Variants in TJP1 observed in about 807,000 individuals in gnomAD.
The protein encoded by TJP1 is tight junction protein ZO-1.
Under a neutral mutation model 194.2 loss-of-function variants are expected in TJP1, and 43 were observed. The observed-to-expected ratio is 0.22, with a 90% CI of 0.17 to 0.29. TJP1 has a LOEUF of 0.29. TJP1 is among the 10% of genes least tolerant of loss of function. TJP1 has a pLI of 1.00. For synonymous variants in TJP1, 801 were observed against 779.0 expected (o/e 1.03, Z -0.47); for missense variants, 1,971 against 2,185.7 (o/e 0.90, Z 1.96).
chr15:29,710,922 A>G lies in TJP1; in HGVS notation c.4281T>C (p.Pro1427=), dbSNP rs756444359. 1 of 1,614,122 alleles carries G rather than the reference A, an allele frequency of 6.2e-7. No individual in the cohort carries two copies. The highest frequency in any genetic ancestry group is 8.5e-7 in the Non-Finnish European group (1 of 1,180,030). The change falls in exon 24 of 28, where the codon CCT becomes CCC. Residue 1427 remains proline, a synonymous_variant. Coordinates refer to ENST00000614355, the MANE Select transcript of TJP1 (RefSeq NM_001330239.4). ...KRYEPIQATP[P]PPPLPSQYAQ... is the part of the protein sequence containing the mutation. ...CATACTGCGAGGGCAATGGAGGAGG[A>G]GGGGGAGTGGCCTGGATGGGTTCAT...
chr15:29,809,651 G>C (rs886143363), intron 1 of TJP1, among the ~76,000 whole-genome samples: 4 of 152,004 alleles, frequency 2.6e-5, no homozygotes, highest in African/African-American at 9.7e-5. Flanking sequence ...TCGAGACCAG[G>C]CTGGCCAACA....
chr15:29,750,363 TC>T (rs944243460), intron 8 of TJP1, among the ~76,000 whole-genome samples: 6 of 152,172 alleles, frequency 3.9e-5, no homozygotes, highest in South Asian at 2.1e-4. Context: ...GGTCTTGAAC[TC>T]CTGAGTTCAG....
chr15:29,789,871 T>C (rs1233942315), intron 2 of TJP1, among the ~76,000 whole-genome samples: 1 of 152,236 alleles, frequency 6.6e-6, no homozygotes, highest in Non-Finnish European at 1.5e-5. Context: ...CTGATTCCTC[T>C]GTGTTTCTTA....
At position 29,700,827 on chromosome 15, in the gene TJP1, C is replaced by T. The variant is rs897547107; in HGVS notation, c.*768G>A. The T allele has an allele frequency of 3.0e-5, 5 of 168,840 alleles. No homozygotes were observed. The highest frequency in any genetic ancestry group is 5.0e-5 in the Non-Finnish European group (4 of 79,494). The allele number at this position is 168,840 out of a possible 1,614,324, so 10.5% of individuals were successfully genotyped here. A position where few individuals can be genotyped will look rare whatever the true frequency, so the allele number is the denominator to read the frequency against. The stretch of plus-strand genomic sequence containing the variant: ...ATTTCTGAAACCACCAAATGCACAA[C>T]GTACTCAGTCTTTGTCATGATACAG... On this transcript the variant is annotated 3_prime_UTR_variant, in exon 28 of 28. Transcript: ENST00000614355.
At chr15:29,833,798 A>G (rs1362693441) in intron 2 of TJP1, among the ~76,000 whole-genome samples, 1 of 143,376 alleles carries the variant, frequency 7.0e-6, no homozygotes, top group African/African-American at 2.6e-5. Context: ...CCACATTTAC[A>G]TGCTAATTTA....
chr15:29,791,880 T>C (rs1362402421), intron 2 of TJP1, among the ~76,000 whole-genome samples: 3 of 152,172 alleles, frequency 2.0e-5, no homozygotes, highest in Non-Finnish European at 2.9e-5. Flanking sequence ...ATGTTGACCA[T>C]TTTTTCATAT....
At chr15:29,922,538 T>C (rs2054398792) in intron 2 of TJP1, among the ~76,000 whole-genome samples, 2 of 152,194 alleles carry the variant, frequency 1.3e-5, no homozygotes. Context: ...TTTAGAGTCT[T>C]CTAAAATTAA....
At chr15:29,719,163 G>A (rs769354901) in intron 20 of TJP1, 25 bp from the exon 21 acceptor site, 1 of 1,546,100 alleles carries the variant, frequency 6.5e-7, no homozygotes, top group Non-Finnish European at 8.7e-7. Context: ...CACATTTAAG[G>A]ACAAAGTCTT....
intron 2 of TJP1, among the ~76,000 whole-genome samples, chr15:29,900,404 G>A (rs952001793): frequency 4.6e-5 from 7 of 152,186 alleles, no homozygotes; most frequent in South Asian, 4.1e-4. Context: ...GGGGTGCAGT[G>A]GGAACAGGCT....
At chr15:29,848,134 T>C (rs187435528) in intron 2 of TJP1, among the ~76,000 whole-genome samples, 2 of 152,270 alleles carry the variant, frequency 1.3e-5, no homozygotes, top group East Asian at 3.9e-4. Context: ...TATGATCAAA[T>C]ATGGTCTTTC....
chr15:29,870,679 G>A (rs925406491), intron 2 of TJP1, among the ~76,000 whole-genome samples: 1 of 152,176 alleles, frequency 6.6e-6, no homozygotes, highest in African/African-American at 2.4e-5. Context: ...TTTACATAAT[G>A]TGCCCTTATC....
chr15:29,815,970 C>T (rs1278181948), intron 1 of TJP1, among the ~76,000 whole-genome samples: 1 of 151,502 alleles, frequency 6.6e-6, no homozygotes, highest in Non-Finnish European at 1.5e-5. Context: ...TTACAGCCCT[C>T]GAAGCCACAG....
intron 12 of TJP1, among the ~76,000 whole-genome samples, chr15:29,733,599 T>C (rs910573007): frequency 7.9e-5 from 12 of 152,240 alleles, no homozygotes; most frequent in Non-Finnish European, 1.8e-4. Flanking sequence ...GCAAACATTA[T>C]AGACATTTCC....
chr15:29,793,708 C>T (rs1189492875), intron 2 of TJP1, among the ~76,000 whole-genome samples: 4 of 152,162 alleles, frequency 2.6e-5, no homozygotes, highest in Non-Finnish European at 5.9e-5. Flanking sequence ...TTCATGAGAA[C>T]TCCACTCCTA....
rs200396422 is a variant in TJP1 at position 29,866,827 on chromosome 15, G to A, written c.307-66125C>T. On this transcript the variant is annotated intron_variant, in intron 2 of 28. Transcript: ENST00000356107. Reference sequence around the variant, plus strand: ...GAGACCGAGCTGTCAGGAACCTGGAGAAGGAGATCTGCAGGCTCTTTCCAG... The same window carrying A: ...GAGACCGAGCTGTCAGGAACCTGGAAAAGGAGATCTGCAGGCTCTTTCCAG... Among the ~76,000 whole-genome samples the A allele has an allele frequency of 2.1e-4, 32 of 152,324 alleles. No homozygotes were observed. In the East Asian group the frequency reaches 6.2e-3, roughly 29 times the overall value.
intron 13 of TJP1, 29 bp downstream of exon 13, chr15:29,733,065 C>T: frequency 6.3e-7 from 1 of 1,599,364 alleles, no homozygotes; most frequent in Non-Finnish European, 8.6e-7. Flanking sequence ...ACTTGATTCA[C>T]TCTATGAGAA....
intron 2 of TJP1, among the ~76,000 whole-genome samples, chr15:29,882,600 T>A (rs1166995398): frequency 6.6e-6 from 1 of 152,136 alleles, no homozygotes; most frequent in East Asian, 1.9e-4. Flanking sequence ...AGTGCAAAAT[T>A]CCTAACTGAC....
intron 2 of TJP1, among the ~76,000 whole-genome samples, chr15:29,865,044 C>T (rs564527386): frequency 7.9e-5 from 12 of 152,246 alleles, no homozygotes; most frequent in African/African-American, 2.9e-4. Context: ...CAAGAAACCA[C>T]GAACGTTCCT....
intron 2 of TJP1, among the ~76,000 whole-genome samples, chr15:29,792,093 CTGTT>C (rs1389142337): frequency 2.0e-5 from 3 of 152,220 alleles, no homozygotes; most frequent in East Asian, 1.9e-4. Context: ...ATTTTGTTGA[CTGTT>C]TGTTGTGCAG....
Sources: gnomAD v4.1 joint callset for allele counts (sites outside exome capture counted in the v4.1 genomes callset) on GRCh38, gnomAD v4.1.1 for gene constraint, MANE v1.5 for transcripts, NCBI Gene and HGNC (gene_info 2026-07-23, HGNC 2026-07-21) for gene names.